The following VTI1A variants were observed in gnomAD, a reference collection of about 807,000 sequenced individuals.
The protein encoded by VTI1A is vesicle transport through interaction with t-SNAREs homolog 1A.
A neutral mutation model predicts 34.9 loss-of-function variants in VTI1A; 22 were observed. The ratio of observed to expected loss-of-function variants is 0.63; its 90% CI spans 0.45 to 0.90. The LOEUF (loss-of-function observed/expected upper bound fraction) is 0.90. Among genes scored for constraint, VTI1A ranks in the 40% least tolerant of loss-of-function variants. VTI1A has a pLI of 0.00. For missense variants in VTI1A, 268 were observed against 275.6 expected, an observed-to-expected ratio of 0.97 and a Z score of 0.20; for synonymous variants, 87 against 97.3, an observed-to-expected ratio of 0.89 and a Z score of 0.62.
intron 7 of VTI1A, among the ~76,000 whole-genome samples, chr10:112,757,069 C>T (rs1851308163): frequency 6.6e-6 from 1 of 150,926 alleles, no homozygotes; most frequent in Non-Finnish European, 1.5e-5. Context: ...AAAGATGCAT[C>T]ATTATGCATT....
chr10:112,830,849 A>ATATATATTTTTTTTTTTTTTTTTTTTT, the VTI1A span, among the ~76,000 whole-genome samples: 1 of 33,512 alleles, frequency 3.0e-5, no homozygotes, highest in African/African-American at 1.4e-4. Flanking sequence ...ATATATATAT[A>ATATATATTTTTTTTTTTTTTTTTTTTT]TTTTTTTTTT....
chr10:112,598,864 G>A (rs992795956), intron 5 of VTI1A, among the ~76,000 whole-genome samples: 4 of 152,150 alleles, frequency 2.6e-5, no homozygotes, highest in African/African-American at 7.2e-5. Flanking sequence ...TATGTGAATT[G>A]GGCTTATCCG....
Position 112,518,666 on chromosome 10 carries a change from T to TAC in VTI1A, c.265-8420_265-8419insCA, listed in dbSNP as rs1379917499. Among the ~76,000 whole-genome samples the TAC allele has an allele frequency of 1.6e-4, 23 of 146,662 alleles. No homozygotes were observed. In the South Asian group the frequency reaches 3.0e-3, roughly 19 times the overall value. ...GTATATACGTGTATATATATATATA[T>TAC]ATACACACACACACACATAACTTTT... On this transcript the variant is annotated intron_variant, in intron 3 of 7. Coordinates refer to ENST00000393077, the MANE Select transcript of VTI1A (RefSeq NM_145206.4).
Position 112,670,975 on chromosome 10 carries a change from C to T in VTI1A, c.560+1977C>T, listed in dbSNP as rs74555217. Among the ~76,000 whole-genome samples the T allele has an allele frequency of 2.9e-3, 435 of 152,330 alleles. 4 individuals are homozygous for T. The highest frequency in any genetic ancestry group is 9.9e-3 in the African/African-American group (412 of 41,570). On this transcript the variant is annotated intron_variant, in intron 7 of 7. Coordinates refer to ENST00000393077, the MANE Select transcript of VTI1A (RefSeq NM_145206.4). ...CAGATATTTTCAACCAATGCCATAA[C>T]GTGGCAGGTTTTCTGGGGACCAAAT...
chr10:112,530,007 T>C (rs1253262357), intron 4 of VTI1A, among the ~76,000 whole-genome samples: 2 of 152,144 alleles, frequency 1.3e-5, no homozygotes, highest in Admixed American at 1.3e-4. Context: ...TACTCTTAGG[T>C]ACATAAACAT....
intron 7 of VTI1A, among the ~76,000 whole-genome samples, chr10:112,681,269 C>T (rs1848207344): frequency 6.6e-6 from 1 of 151,898 alleles, no homozygotes; most frequent in Admixed American, 6.6e-5. Flanking sequence ...TTCGTAGAGA[C>T]AGGATCTCCT....
At chr10:112,514,721 T>A (rs1849717150) in intron 3 of VTI1A, among the ~76,000 whole-genome samples, 1 of 152,050 alleles carries the variant, frequency 6.6e-6, no homozygotes, top group Admixed American at 6.6e-5. Context: ...TATAATTTTA[T>A]AACTTCCTTT....
At chr10:112,770,760 T>A (rs1851791499) in intron 7 of VTI1A, among the ~76,000 whole-genome samples, 2 of 152,074 alleles carry the variant, frequency 1.3e-5, no homozygotes, top group African/African-American at 4.8e-5. Context: ...TATAACACCC[T>A]GCTTCTGCCA....
At chr10:112,657,670 AG>A (rs1289060169) in intron 5 of VTI1A, among the ~76,000 whole-genome samples, 2 of 152,252 alleles carry the variant, frequency 1.3e-5, no homozygotes, top group African/African-American at 4.8e-5. Flanking sequence ...AAGAAAATAC[AG>A]GGACAAATCT....
chr10:112,567,226 C>T (rs186319250), intron 5 of VTI1A, among the ~76,000 whole-genome samples: 4 of 152,176 alleles, frequency 2.6e-5, no homozygotes, highest in African/African-American at 7.2e-5. Context: ...GACCAGTTCT[C>T]GCCATGTTGC....
chr10:112,846,727 C>G, the VTI1A span, among the ~76,000 whole-genome samples: 1 of 147,946 alleles, frequency 6.8e-6, no homozygotes, highest in Non-Finnish European at 1.5e-5. Flanking sequence ...GATCGCGCCA[C>G]TGCACTCCAG....
At chr10:112,637,959 T>C (rs774821383) in intron 5 of VTI1A, among the ~76,000 whole-genome samples, 2 of 152,222 alleles carry the variant, frequency 1.3e-5, no homozygotes, top group East Asian at 1.9e-4. Flanking sequence ...ATTAATCACA[T>C]ATGCAAGCAT....
intron 5 of VTI1A, among the ~76,000 whole-genome samples, chr10:112,608,324 G>A (rs892959602): frequency 2.6e-5 from 4 of 152,162 alleles, no homozygotes; most frequent in Admixed American, 1.3e-4. Flanking sequence ...ATTTAAAACA[G>A]TGTATGCCTG....
At chr10:112,657,802 A>G (rs1266538903) in intron 5 of VTI1A, among the ~76,000 whole-genome samples, 1 of 142,352 alleles carries the variant, frequency 7.0e-6, no homozygotes, top group Non-Finnish European at 1.5e-5. Context: ...AGAACACTAT[A>G]TTGTGTGTGT....
chr10:112,799,999 G>C (rs1382989583), intron 7 of VTI1A, among the ~76,000 whole-genome samples: 1 of 152,032 alleles, frequency 6.6e-6, no homozygotes. Flanking sequence ...TCTAGAAAAC[G>C]TAACCACATC....
intron 7 of VTI1A, among the ~76,000 whole-genome samples, chr10:112,762,243 A>G (rs1023712938): frequency 2.0e-5 from 3 of 152,192 alleles, no homozygotes; most frequent in Non-Finnish European, 2.9e-5. Flanking sequence ...TGCTAGAGCC[A>G]GTGTTTCAGA....
intron 5 of VTI1A, among the ~76,000 whole-genome samples, chr10:112,552,718 C>A (rs1851405540): frequency 6.6e-6 from 1 of 152,044 alleles, no homozygotes; most frequent in African/African-American, 2.4e-5. Context: ...TACAATGAAT[C>A]CCCTCATTTT....
intron 3 of VTI1A, among the ~76,000 whole-genome samples, chr10:112,490,650 C>T (rs147466214): frequency 6.9e-4 from 104 of 150,238 alleles, no homozygotes; most frequent in Middle Eastern, 3.4e-3. Context: ...TGTTCTGGCT[C>T]CTTTCCTTGA....
chr10:112,520,812 T>G (rs1849997270), intron 3 of VTI1A, among the ~76,000 whole-genome samples: 1 of 151,946 alleles, frequency 6.6e-6, no homozygotes, highest in Non-Finnish European at 1.5e-5. Flanking sequence ...ATGGAAAATG[T>G]GTTTGAAAGT....
Sources: gnomAD v4.1 joint callset for allele counts (sites outside exome capture counted in the v4.1 genomes callset) on GRCh38, gnomAD v4.1.1 for gene constraint, MANE v1.5 for transcripts, NCBI Gene and HGNC (gene_info 2026-07-23, HGNC 2026-07-21) for gene names.